Variants in MNAT1 observed in about 807,000 individuals in gnomAD.
The protein encoded by MNAT1 is MNAT1 component of CDK activating kinase.
MNAT1 carries 43 observed loss-of-function variants against 42.0 expected under a neutral mutation model. That is an observed-to-expected ratio of 1.02 (90% CI 0.80 to 1.32). The LOEUF (loss-of-function observed/expected upper bound fraction) is 1.32, where lower values mean the gene tolerates loss of function less well. Ranked by LOEUF, MNAT1 falls within the 40% of genes most tolerant of loss-of-function variation. The probability of loss-of-function intolerance (pLI) is 0.00; values close to 1 mark genes in which losing one functional copy is unlikely to be tolerated. For synonymous variants in MNAT1, 118 were observed against 120.0 expected (o/e 0.98, Z 0.11); for missense variants, 306 against 350.4 (o/e 0.87, Z 1.01).
chr14:60,780,884 G>A (rs952991843), intron 1 of MNAT1, among the ~76,000 whole-genome samples: 2 of 152,078 alleles, frequency 1.3e-5, no homozygotes, highest in African/African-American at 2.4e-5. Context: ...ACTGTAGATG[G>A]AAAAACTTGT....
intron 7 of MNAT1, among the ~76,000 whole-genome samples, chr14:60,942,472 C>A (rs972808428): frequency 1.5e-5 from 2 of 134,238 alleles, no homozygotes; most frequent in South Asian, 4.6e-4. Context: ...AATTTGGACT[C>A]TTTTAGTCTT....
chr14:60,791,039 A>T (rs2031800302), intron 1 of MNAT1, among the ~76,000 whole-genome samples: 1 of 152,118 alleles, frequency 6.6e-6, no homozygotes, highest in African/African-American at 2.4e-5. Context: ...CATTTTTTTG[A>T]AAGTGAGTTT....
intron 5 of MNAT1, among the ~76,000 whole-genome samples, chr14:60,818,137 T>TGCTTATG (rs1401304652): frequency 6.6e-6 from 1 of 152,028 alleles, no homozygotes; most frequent in African/African-American, 2.4e-5. Flanking sequence ...TATTAAAATG[T>TGCTTATG]GTCTGAGTGC....
intron 6 of MNAT1, among the ~76,000 whole-genome samples, chr14:60,843,635 T>C (rs1344734680): frequency 6.6e-6 from 1 of 152,170 alleles, no homozygotes; most frequent in Non-Finnish European, 1.5e-5. Flanking sequence ...ATTAAAAAAA[T>C]TGAGTTGTTT....
intron 7 of MNAT1, among the ~76,000 whole-genome samples, chr14:60,915,627 T>C (rs191269050): frequency 1.2e-4 from 18 of 152,324 alleles, no homozygotes; most frequent in African/African-American, 3.6e-4. Context: ...AATGTAGGTG[T>C]TACTTCCTGG....
In MNAT1 at chr14:60,842,825, TTAG is replaced by T. The variant is rs572292487; in HGVS notation, c.687+23981_687+23983del. On this transcript the variant is annotated intron_variant, in intron 6 of 7. Transcript: ENST00000261245. ...TACCTAACCTGCTGAACATCATAAT[TTAG>T]TATAGGCTTCCTTAATACAAGTACT... is the stretch of plus-strand genomic sequence containing the variant. 1.2e-4 allele frequency among the ~76,000 whole-genome samples: 18 copies of T among 152,264 alleles called. 1 individual carries two copies. In the South Asian group the frequency reaches 3.7e-3, roughly 32 times the overall value.
rs373251570 is a variant in MNAT1, at chr14:60,832,875, C to T, written c.687+14028C>T. Reference sequence around the variant, plus strand: ...CCTTGAGCAGTGATTTGTAGTTCTCCTTGAAAAGGTCCTTCACATCCCTTG... The same window carrying T: ...CCTTGAGCAGTGATTTGTAGTTCTCTTTGAAAAGGTCCTTCACATCCCTTG... On this transcript the variant is annotated intron_variant, in intron 6 of 7. Transcript: ENST00000261245. Among the ~76,000 whole-genome samples, 5 of 152,120 alleles carry T rather than the reference C, an allele frequency of 3.3e-5. No individual in the cohort carries two copies. The East Asian group carries it at 5.8e-4, about 18-fold the overall frequency.
intron 4 of MNAT1, among the ~76,000 whole-genome samples, chr14:60,809,362 C>T (rs1027444832): frequency 1.3e-5 from 2 of 152,070 alleles, no homozygotes; most frequent in African/African-American, 4.8e-5. Context: ...TGAATTGATA[C>T]TACATTTTCA....
At chr14:60,839,758 C>T (rs549080364) in intron 6 of MNAT1, among the ~76,000 whole-genome samples, 171 of 152,340 alleles carry the variant, frequency 1.1e-3, no homozygotes, top group Non-Finnish European at 1.9e-3. Flanking sequence ...AAGCCACTTG[C>T]GGTGCATCTG....
chr14:60,831,087 C>T (rs1345568075), intron 6 of MNAT1, among the ~76,000 whole-genome samples: 2 of 137,468 alleles, frequency 1.5e-5, no homozygotes, highest in South Asian at 2.4e-4. Flanking sequence ...GAATGTATTG[C>T]TGCTTTCTTT....
intron 6 of MNAT1, among the ~76,000 whole-genome samples, chr14:60,857,594 C>CT (rs2139427952): frequency 6.6e-6 from 1 of 152,104 alleles, no homozygotes; most frequent in African/African-American, 2.4e-5. Context: ...TATTATTATA[C>CT]TTTAAGTTCT....
In MNAT1 at chr14:60,842,361, T is replaced by C. The variant is rs138513482; in HGVS notation, c.687+23514T>C. Among the ~76,000 whole-genome samples, 689 of 152,302 alleles carry C rather than the reference T, an allele frequency of 4.5e-3. 9 individuals are homozygous for C. The highest frequency in any genetic ancestry group is 0.015 in the African/African-American group (616 of 41,552). On this transcript the variant is annotated intron_variant, in intron 6 of 7. Coordinates refer to ENST00000261245, the MANE Select transcript of MNAT1 (RefSeq NM_002431.4). ...CTGCCCTGGGATCCCTGAAGTCTGA[T>C]TTTCGTCTCCTTGATTCCTAGGCTC... is the stretch of plus-strand genomic sequence containing the variant.
chr14:60,954,772 A>G (rs2036450698), intron 7 of MNAT1, among the ~76,000 whole-genome samples: 1 of 152,144 alleles, frequency 6.6e-6, no homozygotes, highest in Non-Finnish European at 1.5e-5. Context: ...AAATGGCAAG[A>G]GTGGGCATTC....
intron 7 of MNAT1, among the ~76,000 whole-genome samples, chr14:60,955,919 C>T (rs1278332490): frequency 6.6e-6 from 1 of 151,682 alleles, no homozygotes; most frequent in Non-Finnish European, 1.5e-5. Flanking sequence ...GTTAATCTAG[C>T]TAAAGGTTTG....
chr14:60,805,420 A>G (rs2300466), intron 3 of MNAT1, among the ~76,000 whole-genome samples: 37,019 of 152,074 alleles, frequency 0.24, 4,913 homozygotes, highest in Middle Eastern at 0.34. Context: ...ATTATCACAC[A>G]AAGTCTGTAG....
intron 7 of MNAT1, among the ~76,000 whole-genome samples, chr14:60,882,335 T>A (rs1389470209): frequency 1.3e-5 from 2 of 152,204 alleles, no homozygotes; most frequent in African/African-American, 4.8e-5. Context: ...ATGCTAAGTT[T>A]GTCTTTCTGT....
intron 6 of MNAT1, among the ~76,000 whole-genome samples, chr14:60,841,416 T>C (rs1349313516): frequency 6.6e-6 from 1 of 151,888 alleles, no homozygotes; most frequent in African/African-American, 2.4e-5. Flanking sequence ...ACACATAAAG[T>C]TGTGTGTGTT....
chr14:60,894,450 T>C (rs975471701), intron 7 of MNAT1, among the ~76,000 whole-genome samples: 1 of 152,116 alleles, frequency 6.6e-6, no homozygotes, highest in Non-Finnish European at 1.5e-5. Context: ...CCCTGTAAAG[T>C]AGGTTTAGCC....
chr14:60,921,697 C>G (rs1180773445), intron 7 of MNAT1, among the ~76,000 whole-genome samples: 1 of 152,138 alleles, frequency 6.6e-6, no homozygotes, highest in Admixed American at 6.5e-5. Flanking sequence ...TTAACACGAT[C>G]AGAATGCCCA....
Sources: gnomAD v4.1 joint callset for allele counts (sites outside exome capture counted in the v4.1 genomes callset) on GRCh38, gnomAD v4.1.1 for gene constraint, MANE v1.5 for transcripts, NCBI Gene and HGNC (gene_info 2026-07-23, HGNC 2026-07-21) for gene names.